PTCD1: variants seen among roughly 807,000 people sequenced by gnomAD.
PTCD1 encodes the protein pentatricopeptide repeat domain 1, also known as pentatricopeptide repeat-containing protein 1, mitochondrial.
A neutral mutation model predicts 53.4 loss-of-function variants in PTCD1; 50 were observed. The observed-to-expected ratio is 0.94, with a 90% CI of 0.75 to 1.19. The LOEUF (loss-of-function observed/expected upper bound fraction) is 1.19. Among genes scored for constraint, PTCD1 ranks in the 50% most tolerant of loss-of-function variants. The pLI is 0.00. For missense variants in PTCD1, 918 were observed against 904.8 expected (o/e 1.01, Z -0.19); for synonymous variants, 413 against 394.8 (o/e 1.05, Z -0.55).
rs766786857 is a variant in PTCD1, at chr7:99,433,291, T to C, written c.581A>G (p.Asn194Ser). The change falls in exon 3 of 8, where the codon AAC becomes AGC. Residue 194 changes from asparagine (N) to serine (S), a missense_variant. Physicochemically the swap from Asn to Ser is conservative, Grantham distance 46. Transcript: ENST00000292478. The part of the protein sequence containing the change: ...GRVGYLKKAF[N>S]LYNQMKKRDL... ...GCCCACATGCACCTGGTTGTAGAGG[T>C]TGAAGGCCTTCTTCAGGTAGCCAAC... 1.2e-5 allele frequency: 19 copies of C among 1,613,820 alleles called. No individual in the cohort carries two copies. In the African/African-American group the frequency reaches 2.0e-4, roughly 17 times the overall value.
intron 1 of PTCD1, chr7:99,438,482 C>A (rs369308093): frequency 3.7e-6 from 4 of 1,080,896 alleles, no homozygotes; most frequent in African/African-American, 1.7e-5. Context: ...AGACACGCTG[C>A]GGCCGTCCTT....
rs199908866 is a variant in PTCD1, at chr7:99,429,184, G to A, written c.834C>T (p.His278=). The A allele has an allele frequency of 7.4e-6, 12 of 1,614,098 alleles. No individual in the cohort carries two copies. In the South Asian group the frequency reaches 8.8e-5, roughly 12 times the overall value. Residue 278 remains histidine, a synonymous_variant, in exon 5 of 8, where the codon CAC becomes CAT. Coordinates refer to ENST00000292478, the MANE Select transcript of PTCD1 (RefSeq NM_015545.4). ...AACTGAAGGTCTCCTCTGTGACCAC[G>A]TGCCCTTTGTGGATGATTTCCTGGG... ...DVFKEIIHKG[H]VVTEETFSFL...
rs745782426 is a variant in PTCD1 at position 99,423,949 on chromosome 7, C to T, written c.1746G>A (p.Gln582=). The change falls in exon 7 of 8, where the codon CAG becomes CAA. Residue 582 remains glutamine, a synonymous_variant. Transcript: ENST00000292478. ...LQLLTDMKKS[Q]VTPNTHIYSA... ...TGTAGATGTGAGTGTTGGGGGTCACCTGGGACTTCTAGAACACAGGGACAT... is the reference window on the plus strand; with the variant it reads ...TGTAGATGTGAGTGTTGGGGGTCACTTGGGACTTCTAGAACACAGGGACAT... 5 of 1,614,102 alleles carry T rather than the reference C, an allele frequency of 3.1e-6. No individual in the cohort carries two copies. The highest frequency in any genetic ancestry group is 1.7e-5 in the Admixed American group (1 of 60,004).
Position 99,429,084 on chromosome 7 carries a change from TG to T in PTCD1, c.915+18del, listed in dbSNP as rs762282232. On this transcript the variant is annotated intron_variant, in intron 5 of 7. Transcript: ENST00000292478. ...GCACCGGGGAAGCAGGGCAGGAAGG[TG>T]GGGTGGGAGGGACATACCTGGAGGG... 1.2e-6 allele frequency: 2 copies of T among 1,612,682 alleles called. No homozygotes were observed. The highest frequency in any genetic ancestry group is 1.7e-6 in the Non-Finnish European group (2 of 1,179,436).
intron 5 of PTCD1, among the ~76,000 whole-genome samples, chr7:99,426,734 C>T (rs533686566): frequency 2.0e-5 from 3 of 150,840 alleles, no homozygotes; most frequent in Non-Finnish European, 4.4e-5. Context: ...AAGTGAGGAG[C>T]GCCTCTTCCC....
At chr7:99,427,664 G>T (rs974559051) in intron 5 of PTCD1, among the ~76,000 whole-genome samples, 7 of 152,010 alleles carry the variant, frequency 4.6e-5, no homozygotes, top group Non-Finnish European at 1.5e-5. Flanking sequence ...GAATAGAAAG[G>T]GGGGAAAGGT....
rs1337100934 is a variant in PTCD1, at chr7:99,419,556, G to C, written c.*411C>G. ...GCCCGAGTTGGAGCACGGTCTCTAT[G>C]GGGAAGGCTTCGCTGTCTATCAGCT... On this transcript the variant is annotated 3_prime_UTR_variant, in exon 8 of 8. Coordinates refer to ENST00000292478, the MANE Select transcript of PTCD1 (RefSeq NM_015545.4). The C allele has an allele frequency of 2.5e-6, 3 of 1,216,458 alleles. No individual in the cohort carries two copies. The highest frequency in any genetic ancestry group is 3.6e-6 in the Non-Finnish European group (3 of 840,936). The allele number at this position is 1,216,458 out of a possible 1,614,324, so 75.4% of individuals were successfully genotyped here. A position where few individuals can be genotyped will look rare whatever the true frequency, so the allele number is the denominator to read the frequency against.
chr7:99,422,477 C>T (rs1485804016), intron 7 of PTCD1, among the ~76,000 whole-genome samples: 1 of 152,192 alleles, frequency 6.6e-6, no homozygotes, highest in Non-Finnish European at 1.5e-5. Context: ...AAAGCAGATT[C>T]CATGACTCTG....
chr7:99,430,544 C>T (rs1055708060), intron 3 of PTCD1, among the ~76,000 whole-genome samples: 1 of 152,214 alleles, frequency 6.6e-6, no homozygotes, highest in African/African-American at 2.4e-5. Context: ...AGTGGGGTGG[C>T]CTTGGACATG....
rs775948620 is a variant in PTCD1 at position 99,420,143 on chromosome 7, C to T, written c.1927G>A (p.Gly643Arg). 2 of 1,614,188 alleles carry T rather than the reference C, an allele frequency of 1.2e-6. No individual in the cohort carries two copies. The highest frequency in any genetic ancestry group is 2.2e-5 in the East Asian group (1 of 44,878). ...QYPPTFDRYQ[G>R]KNTYLEKIDG... ...ATCTTCTCCAGGTAGGTGTTCTTCCCTTGGTACTAGAATTAGAAAAGTGAG... is the reference window on the plus strand; with the variant it reads ...ATCTTCTCCAGGTAGGTGTTCTTCCTTTGGTACTAGAATTAGAAAAGTGAG... Residue 643 changes from glycine to arginine, a missense_variant, in exon 8 of 8, where the codon GGG (glycine) becomes AGG (arginine). Coordinates refer to ENST00000292478, the MANE Select transcript of PTCD1 (RefSeq NM_015545.4).
In PTCD1 at chr7:99,419,032, T is replaced by A; in HGVS notation, c.*935A>T. On this transcript the variant is annotated 3_prime_UTR_variant, in exon 8 of 8. Coordinates refer to ENST00000292478, the MANE Select transcript of PTCD1 (RefSeq NM_015545.4). ...GAGTGTACCAGCCCAGAGGCCCCCCTGAAGTCCCCAAACAGTAGCAGAGCC... is the reference window on the plus strand; with the variant it reads ...GAGTGTACCAGCCCAGAGGCCCCCCAGAAGTCCCCAAACAGTAGCAGAGCC... 3.6e-6 allele frequency: 1 copy of A among 280,614 alleles called. No homozygotes were observed. Among genetic ancestry groups the A allele is most frequent in the Admixed American group, 4.9e-5 (1 of 20,610 alleles). The allele number at this position is 280,614 out of a possible 1,614,324, so 17.4% of individuals were successfully genotyped here. A position where few individuals can be genotyped will look rare whatever the true frequency, so the allele number is the denominator to read the frequency against.
At chr7:99,422,610 A>G (rs1184183574) in intron 7 of PTCD1, among the ~76,000 whole-genome samples, 1 of 152,242 alleles carries the variant, frequency 6.6e-6, no homozygotes, top group Non-Finnish European at 1.5e-5. Context: ...CTTTTCTAAC[A>G]AAGAGCAGCC....
Position 99,426,623 on chromosome 7 carries a change from C to CTGCCTGGCCGCCCATCGTCTGGGA in PTCD1, c.916-1031_916-1008dup, listed in dbSNP as rs1384762441. ...CCCGTCTGGGAAGTGAGGAGCGTCT[C>CTGCCTGGCCGCCCATCGTCTGGGA]TGCCTGGCCGCCCATCGTCTGGGAT... On this transcript the variant is annotated intron_variant, in intron 5 of 7. Transcript: ENST00000292478. Among the ~76,000 whole-genome samples, 476 of 152,210 alleles carry CTGCCTGGCCGCCCATCGTCTGGGA rather than the reference C, an allele frequency of 3.1e-3. 1 individual carries two copies. The highest frequency in any genetic ancestry group is 0.011 in the African/African-American group (446 of 41,498).
At chr7:99,421,885 TCCTGATAAAA>T (rs1343847374) in intron 7 of PTCD1, among the ~76,000 whole-genome samples, 1 of 152,166 alleles carries the variant, frequency 6.6e-6, no homozygotes, top group African/African-American at 2.4e-5. Context: ...CAGAGTTACA[TCCTGATAAAA>T]CCATTGCAAA....
chr7:99,435,221 G>A lies in PTCD1; in HGVS notation c.22C>T (p.Arg8Ter), dbSNP rs138103080. The A allele has an allele frequency of 7.5e-6, 12 of 1,603,052 alleles. No homozygotes were observed. Among genetic ancestry groups the A allele is most frequent in the Admixed American group, 1.7e-5 (1 of 60,010 alleles). ...ATGGGGCGGGCCCTGGCGAACAGTC[G>A]AGCGAGTCTCACGAAGTCCATTTCT... is the stretch of plus-strand genomic sequence containing the variant. MDFVRLA[R>*]LFARARPMGL... Residue 8 changes from arginine (R) to a stop codon, truncating the protein, a stop_gained, in exon 2 of 8, where the codon CGA (arginine) becomes TGA (stop). Coordinates refer to ENST00000292478, the MANE Select transcript of PTCD1 (RefSeq NM_015545.4). LOFTEE classifies it high-confidence loss of function.
chr7:99,433,587 C>T (rs537841220), intron 2 of PTCD1, among the ~76,000 whole-genome samples, 169 bp from the exon 3 acceptor site: 5 of 152,380 alleles, frequency 3.3e-5, no homozygotes, highest in African/African-American at 1.2e-4. Flanking sequence ...CCTCACCTCA[C>T]ACCATTTCCC....
Position 99,434,831 on chromosome 7 carries a change from A to G in PTCD1, c.412T>C (p.Trp138Arg). 6.2e-7 allele frequency: 1 copy of G among 1,614,160 alleles called. No homozygotes were observed. The highest frequency in any genetic ancestry group is 8.5e-7 in the Non-Finnish European group (1 of 1,180,012). ...LWRGRRNTPYWYFLQCKHLIK... is the reference protein window; with the variant it reads ...LWRGRRNTPYRYFLQCKHLIK... ...AGGTGTTTGCACTGCAAGAAGTACC[A>G]GTACGGGGTGTTTCTCCGGCCTCGC... Residue 138 changes from tryptophan (W) to arginine (R), a missense_variant, in exon 2 of 8, where the codon TGG becomes CGG. By Grantham distance (101) the Trp-to-Arg change is moderately radical. Coordinates refer to ENST00000292478, the MANE Select transcript of PTCD1 (RefSeq NM_015545.4).
At chr7:99,422,894 T>TA (rs1417289590) in intron 7 of PTCD1, among the ~76,000 whole-genome samples, 1 of 152,032 alleles carries the variant, frequency 6.6e-6, no homozygotes, top group Non-Finnish European at 1.5e-5. Context: ...GCGTCCTCTG[T>TA]AAATCAGACA....
intron 5 of PTCD1, among the ~76,000 whole-genome samples, chr7:99,428,499 T>C (rs1416128763): frequency 6.6e-6 from 1 of 151,648 alleles, no homozygotes; most frequent in Non-Finnish European, 1.5e-5. Context: ...CCCAGCACTT[T>C]GGGAGGCCCA....
Sources: allele counts gnomAD v4.1 joint callset (sites outside exome capture counted in the v4.1 genomes callset), GRCh38; gene constraint gnomAD v4.1.1; transcripts MANE v1.5; gene names NCBI Gene and HGNC (gene_info 2026-07-23, HGNC 2026-07-21).